Variants in NMUR2 observed in about 807,000 individuals in gnomAD.
The protein encoded by NMUR2 is neuromedin U receptor 2.
Under a neutral mutation model 25.1 loss-of-function variants are expected in NMUR2, and 24 were observed. The observed-to-expected ratio is 0.96, with a 90% CI of 0.69 to 1.34. NMUR2 has a LOEUF of 1.34. Ranked by LOEUF, NMUR2 falls within the 40% of genes most tolerant of loss-of-function variation. The pLI is 0.00. For missense variants in NMUR2, 533 were observed against 512.8 expected (o/e 1.04, Z -0.38); for synonymous variants, 218 against 208.1 (o/e 1.05, Z -0.41).
rs757799993 is a variant in NMUR2, at chr5:152,404,548, A to G, written c.566T>C (p.Phe189Ser). Residue 189 changes from phenylalanine (F) to serine (S), a missense_variant, in exon 1 of 4, where the codon TTC (phenylalanine) becomes TCC (serine). Phe to Ser is a radical substitution (Grantham distance 155). Coordinates refer to ENST00000255262, the MANE Select transcript of NMUR2 (RefSeq NM_020167.5). Reference sequence around the variant, plus strand: ...CAGGGACCCATTGGGGAAGTAGTGGAACTTGATGCCATGGATGCTGGTGTT... The same window carrying G: ...CAGGGACCCATTGGGGAAGTAGTGGGACTTGATGCCATGGATGCTGGTGTT... ...LPNTSIHGIKFHYFPNGSLVP... is the reference protein window; with the variant it reads ...LPNTSIHGIKSHYFPNGSLVP... 1 of 1,614,066 alleles carries G rather than the reference A, an allele frequency of 6.2e-7. No individual in the cohort carries two copies. The highest frequency in any genetic ancestry group is 1.7e-5 in the Admixed American group (1 of 60,000).
intron 2 of NMUR2, among the ~76,000 whole-genome samples, chr5:152,397,513 C>T (rs79593753): frequency 0.017 from 2,611 of 151,976 alleles, 47 homozygotes; most frequent in Admixed American, 0.031. Context: ...CTAAAAGATC[C>T]CATGGAGTCT....
intron 2 of NMUR2, among the ~76,000 whole-genome samples, chr5:152,395,854 G>A (rs1449871653): frequency 1.3e-5 from 2 of 151,786 alleles, no homozygotes; most frequent in Non-Finnish European, 2.9e-5. Flanking sequence ...ATTTAAAATA[G>A]TATTTAATTT....
chr5:152,392,045 C>T lies in NMUR2; in HGVS notation c.*146G>A, dbSNP rs546638385. 2.2e-4 allele frequency: 146 copies of T among 671,108 alleles called. No homozygotes were observed. Among genetic ancestry groups the T allele is most frequent in the African/African-American group, 2.1e-3 (114 of 53,726 alleles). 41.6% of individuals were successfully genotyped at this position (671,108 alleles called of 1,614,324 possible). A position where few individuals can be genotyped will look rare whatever the true frequency, so the allele number is the denominator to read the frequency against. On this transcript the variant is annotated 3_prime_UTR_variant, in exon 4 of 4. Transcript: ENST00000255262. ...AACCAGATCTAACTCTCAGTTTTCA[C>T]GTTTATTAAAAAAAAAAAAACTAGC...
chr5:152,405,079 C>T lies in NMUR2; in HGVS notation c.35G>A (p.Trp12Ter). Residue 12 changes from tryptophan to a stop codon, truncating the protein, a stop_gained, in exon 1 of 4, where the codon TGG becomes TAG. Transcript: ENST00000255262. LOFTEE classifies it high-confidence loss of function. ...SGMEKLQNAS[W>*]IYQQKLEDPF... is the part of the protein sequence containing the mutation. ...ATCTTCTAGTTTCTGCTGGTAGATCCAGGAAGCATTCTGAAGTTTTTCCAT... is the reference window on the plus strand; with the variant it reads ...ATCTTCTAGTTTCTGCTGGTAGATCTAGGAAGCATTCTGAAGTTTTTCCAT... The T allele has an allele frequency of 6.2e-7, 1 of 1,612,026 alleles. No homozygotes were observed. The highest frequency in any genetic ancestry group is 8.5e-7 in the Non-Finnish European group (1 of 1,179,160).
Position 152,392,376 on chromosome 5 carries a change from G to C in NMUR2, c.1063C>G (p.Pro355Ala), listed in dbSNP as rs756671063. Residue 355 changes from proline to alanine, a missense_variant, in exon 4 of 4, where the codon CCA (proline) becomes GCA (alanine). By Grantham distance (27) the Pro-to-Ala change is conservative. Coordinates refer to ENST00000255262, the MANE Select transcript of NMUR2 (RefSeq NM_020167.5). ...FHKQWHSQHDPQLPPAQRNIF... is the reference protein window; with the variant it reads ...FHKQWHSQHDAQLPPAQRNIF... ...TTCCGCTGGGCAGGTGGCAACTGTG[G>C]GTCATGCTGGGAGTGCCACTGTTTG... 2 of 1,614,064 alleles carry C rather than the reference G, an allele frequency of 1.2e-6. No homozygotes were observed. The highest frequency in any genetic ancestry group is 4.5e-5 in the East Asian group (2 of 44,884).
intron 2 of NMUR2, 125 bp from the exon 3 acceptor site, chr5:152,395,709 T>C: frequency 9.8e-7 from 1 of 1,021,582 alleles, no homozygotes; most frequent in South Asian, 2.0e-5. Context: ...GCTATAACAG[T>C]TATAGAGGCA....
rs192650550 is a variant in NMUR2 at position 152,396,545 on chromosome 5, A to G, written c.812-961T>C. 1.2e-4 allele frequency among the ~76,000 whole-genome samples: 19 copies of G among 152,212 alleles called. No individual in the cohort carries two copies. In the East Asian group the frequency reaches 3.7e-3, roughly 29 times the overall value. ...CAAAGATAACTATAGGTTTCTACTG[A>G]ATTTGCCAACCCAAGAAAAGTCCCT... On this transcript the variant is annotated intron_variant, in intron 2 of 3. Coordinates refer to ENST00000255262, the MANE Select transcript of NMUR2 (RefSeq NM_020167.5).
In NMUR2 at chr5:152,397,012, G is replaced by GTTTTTTTTTTTTTTTTTT. The variant is rs769998163; in HGVS notation, c.811+1030_811+1047dup. Among the ~76,000 whole-genome samples the GTTTTTTTTTTTTTTTTTT allele has an allele frequency of 3.8e-4, 40 of 105,724 alleles. 2 individuals carry two copies. The highest frequency in any genetic ancestry group is 5.4e-3 in the Middle Eastern group (1 of 184). 69.4% of individuals were successfully genotyped at this position (105,724 alleles called of 152,430 possible). A position where few individuals can be genotyped will look rare whatever the true frequency, so the allele number is the denominator to read the frequency against. On this transcript the variant is annotated intron_variant, in intron 2 of 3. Transcript: ENST00000255262. ...TGACTTTAATATGAGTGAGCTTCATGTTTTTTTTTTTTTTTTTTTGTGAGA... is the reference window on the plus strand; with the variant it reads ...TGACTTTAATATGAGTGAGCTTCATGTTTTTTTTTTTTTTTTTTTTTTTTTTTTTTTTTTTTTGTGAGA...
chr5:152,396,723 CTT>C (rs1753157169), intron 2 of NMUR2, among the ~76,000 whole-genome samples: 1 of 152,046 alleles, frequency 6.6e-6, no homozygotes, highest in African/African-American at 2.4e-5. Flanking sequence ...AAAAGCCCGT[CTT>C]TACTAAAAAT....
At chr5:152,397,077 G>T (rs1753166796) in intron 2 of NMUR2, among the ~76,000 whole-genome samples, 1 of 140,028 alleles carries the variant, frequency 7.1e-6, no homozygotes, top group African/African-American at 2.6e-5. Flanking sequence ...GGATAATGAA[G>T]AAACTATGTT....
At chr5:152,398,254 G>A in intron 1 of NMUR2, 110 bp from the exon 2 acceptor site, 1 of 720,930 alleles carries the variant, frequency 1.4e-6, no homozygotes, top group Non-Finnish European at 2.3e-6. Context: ...GAAGAACTGA[G>A]ACCTAGAGAA....
chr5:152,398,424 C>A (rs1015899788), intron 1 of NMUR2, among the ~76,000 whole-genome samples: 2 of 152,116 alleles, frequency 1.3e-5, no homozygotes, highest in Admixed American at 1.3e-4. Context: ...ATAGGTGTTC[C>A]ATGAAAAATG....
In NMUR2 at chr5:152,392,011, GGGTT is replaced by G; in HGVS notation, c.*176_*179del. The G allele has an allele frequency of 1.7e-6, 1 of 572,502 alleles. No homozygotes were observed. The highest frequency in any genetic ancestry group is 3.1e-6 in the Non-Finnish European group (1 of 326,868). 35.5% of individuals were successfully genotyped at this position (572,502 alleles called of 1,614,324 possible). A position where few individuals can be genotyped will look rare whatever the true frequency, so the allele number is the denominator to read the frequency against. On this transcript the variant is annotated 3_prime_UTR_variant, in exon 4 of 4. Coordinates refer to ENST00000255262, the MANE Select transcript of NMUR2 (RefSeq NM_020167.5). ...AGATAACTAAAAATCAGGCAGTCTTGGGTTTTGAAACCAGATCTAACTCTCAGTT... is the reference window on the plus strand; with the variant it reads ...AGATAACTAAAAATCAGGCAGTCTTGTTGAAACCAGATCTAACTCTCAGTT...
chr5:152,404,004 C>T (rs1753303039), intron 1 of NMUR2, among the ~76,000 whole-genome samples: 1 of 152,088 alleles, frequency 6.6e-6, no homozygotes, highest in Non-Finnish European at 1.5e-5. Flanking sequence ...GTGGCCACCT[C>T]ACCCCAGATC....
chr5:152,396,871 A>T (rs761487594), intron 2 of NMUR2, among the ~76,000 whole-genome samples: 1 of 152,080 alleles, frequency 6.6e-6, no homozygotes, highest in Non-Finnish European at 1.5e-5. Flanking sequence ...CCAGGGCAAC[A>T]GGGCAAGACT....
rs756918085 is a variant in NMUR2 at position 152,401,094 on chromosome 5, C to T, written c.727-2950G>A. ...TTGACAGAATAGAATAGAATCAAAACAGTTAGTCTAGCCAATATTCAATGC... is the reference window on the plus strand; with the variant it reads ...TTGACAGAATAGAATAGAATCAAAATAGTTAGTCTAGCCAATATTCAATGC... On this transcript the variant is annotated intron_variant, in intron 1 of 3. Transcript: ENST00000255262. Among the ~76,000 whole-genome samples, 49 of 152,260 alleles carry T rather than the reference C, an allele frequency of 3.2e-4. 1 individual carries two copies. In the Middle Eastern group the frequency reaches 0.044, roughly 137 times the overall value.
rs775082700 is a variant in NMUR2, at chr5:152,392,512, G to A, written c.938-11C>T. ...GGTAGAAGAAGACACCTGGAATGCA[G>A]GGGATTTAAAAAGATGTGCTGAGAA... is the stretch of plus-strand genomic sequence containing the variant. On this transcript the variant is annotated splice_polypyrimidine_tract_variant and intron_variant, in intron 3 of 3. Coordinates refer to ENST00000255262, the MANE Select transcript of NMUR2 (RefSeq NM_020167.5). 126 of 1,601,588 alleles carry A rather than the reference G, an allele frequency of 7.9e-5. 1 individual carries two copies. In the South Asian group the frequency reaches 1.3e-3, roughly 17 times the overall value.
At position 152,404,989 on chromosome 5, in the gene NMUR2, C is replaced by T; in HGVS notation, c.125G>A (p.Ser42Asn). ...CACAGACACGGGGAGGAAGAAGTGG[C>T]TGCGCCGAGGTCCGCAGAGGAAGGC... The part of the protein sequence containing the change: ...YLAFLCGPRR[S>N]HFFLPVSVVY... Residue 42 changes from serine (S) to asparagine (N), a missense_variant, in exon 1 of 4, where the codon AGC (serine) becomes AAC (asparagine). Coordinates refer to ENST00000255262, the MANE Select transcript of NMUR2 (RefSeq NM_020167.5). 5 of 1,613,958 alleles carry T rather than the reference C, an allele frequency of 3.1e-6. No homozygotes were observed. Among genetic ancestry groups the T allele is most frequent in the South Asian group, 1.1e-5 (1 of 91,062 alleles).
At chr5:152,403,852 C>G (rs969774772) in intron 1 of NMUR2, among the ~76,000 whole-genome samples, 6 of 151,954 alleles carry the variant, frequency 3.9e-5, no homozygotes, top group African/African-American at 1.5e-4. Context: ...GATTTTAAAA[C>G]TGAATACCTA....
Sources: gnomAD v4.1 joint callset for allele counts (sites outside exome capture counted in the v4.1 genomes callset) on GRCh38, gnomAD v4.1.1 for gene constraint, MANE v1.5 for transcripts, NCBI Gene and HGNC (gene_info 2026-07-23, HGNC 2026-07-21) for gene names.